The following UBE2D3 variants were observed in gnomAD, a reference collection of about 807,000 sequenced individuals.
UBE2D3 encodes the protein ubiquitin conjugating enzyme E2 D3.
UBE2D3 carries 2 observed loss-of-function variants against 22.8 expected under a neutral mutation model. That is an observed-to-expected ratio of 0.09 (90% confidence interval 0.04 to 0.28). The LOEUF is 0.28. UBE2D3 is among the 10% of genes least tolerant of loss of function. The pLI is 1.00. For missense variants in UBE2D3, 27 were observed against 182.5 expected, an observed-to-expected ratio of 0.15 and a Z score of 4.91; for synonymous variants, 56 against 60.4, an observed-to-expected ratio of 0.93 and a Z score of 0.34.
upstream of UBE2D3, among the ~76,000 whole-genome samples, chr4:102,828,654 G>T (rs1730926042): frequency 6.6e-6 from 1 of 152,196 alleles, no homozygotes; most frequent in Admixed American, 6.5e-5. Flanking sequence ...CTGTGTTTCA[G>T]TTCTTGAGCC....
chr4:102,847,851 GCCC>G (rs1732118143), intron 1 of UBE2D3, among the ~76,000 whole-genome samples: 1 of 151,894 alleles, frequency 6.6e-6, no homozygotes, highest in Admixed American at 6.6e-5. Context: ...TTGCAGTGTT[GCCC>G]AGGCTGGCCT....
At chr4:102,806,828 C>A (rs551990157) in intron 4 of UBE2D3, among the ~76,000 whole-genome samples, 2 of 152,096 alleles carry the variant, frequency 1.3e-5, no homozygotes, top group East Asian at 1.9e-4. Context: ...TAATACAGTA[C>A]CCCACGCCCC....
chr4:102,822,930 C>T (rs965867523), intron 2 of UBE2D3, among the ~76,000 whole-genome samples: 1 of 152,040 alleles, frequency 6.6e-6, no homozygotes, highest in African/African-American at 2.4e-5. Context: ...AGTGAGACTC[C>T]GTCTCCAACA....
rs191320405 is a variant in UBE2D3 at position 102,817,636 on chromosome 4, A to G, written c.25-7781T>C. On this transcript the variant is annotated intron_variant, in intron 2 of 7. Coordinates refer to ENST00000453744, the MANE Select transcript of UBE2D3 (RefSeq NM_181891.3). ...AGGGAAAAAAATTCTCAACTGCACC[A>G]AACTATTACTCAATGCTCCAGAATG... 6.6e-5 allele frequency among the ~76,000 whole-genome samples: 10 copies of G among 152,360 alleles called. No individual in the cohort carries two copies. In the East Asian group the frequency reaches 1.3e-3, roughly 21 times the overall value.
At chr4:102,853,165 C>T (rs1578295248) in intron 1 of UBE2D3, among the ~76,000 whole-genome samples, 2 of 28,574 alleles carry the variant, frequency 7.0e-5, no homozygotes, top group African/African-American at 2.7e-4. Flanking sequence ...TTTTTTGAGA[C>T]GGAGTTTCGC....
chr4:102,853,148 T>C (rs1732454096), intron 1 of UBE2D3, among the ~76,000 whole-genome samples: 1 of 119,916 alleles, frequency 8.3e-6, no homozygotes, highest in South Asian at 2.8e-4. Flanking sequence ...TTTTTTTTTT[T>C]TTTTTTTTTT....
At chr4:102,825,001 T>C (rs1256149132) in intron 2 of UBE2D3, among the ~76,000 whole-genome samples, 2 of 152,244 alleles carry the variant, frequency 1.3e-5, no homozygotes, top group Admixed American at 6.5e-5. Context: ...TAACCCAAAA[T>C]GACGATGTTA....
intron 1 of UBE2D3, among the ~76,000 whole-genome samples, chr4:102,863,826 T>C (rs1733016869): frequency 6.6e-6 from 1 of 151,886 alleles, no homozygotes; most frequent in Non-Finnish European, 1.5e-5. Flanking sequence ...CTTGGAGGGG[T>C]CAAACAAACC....
At chr4:102,826,193 C>G (rs1730454191) in intron 2 of UBE2D3, among the ~76,000 whole-genome samples, 1 of 151,960 alleles carries the variant, frequency 6.6e-6, no homozygotes, top group Non-Finnish European at 1.5e-5. Context: ...CCTTCTTAAG[C>G]AGCAAAAAAA....
At chr4:102,854,371 G>C (rs925694713) in intron 1 of UBE2D3, among the ~76,000 whole-genome samples, 2 of 151,724 alleles carry the variant, frequency 1.3e-5, no homozygotes, top group African/African-American at 4.8e-5. Flanking sequence ...AATTTTTACT[G>C]ATTTTCTGCC....
chr4:102,809,713 GAA>G lies in UBE2D3; in HGVS notation c.89-12_89-11del. On this transcript the variant is annotated splice_polypyrimidine_tract_variant and intron_variant, in intron 3 of 7. Coordinates refer to ENST00000453744, the MANE Select transcript of UBE2D3 (RefSeq NM_181891.3). ...GCTTGCCAATGAAACACTAGAAAAAGAAAAAAAACTCTGGTTATCTAAAAATG... is the reference window on the plus strand; with the variant it reads ...GCTTGCCAATGAAACACTAGAAAAAGAAAAAACTCTGGTTATCTAAAAATG... 1.2e-6 allele frequency: 2 copies of G among 1,610,164 alleles called. No individual in the cohort carries two copies. Among genetic ancestry groups the G allele is most frequent in the Non-Finnish European group, 1.7e-6 (2 of 1,178,894 alleles).
chr4:102,809,576 T>A, intron 4 of UBE2D3, 96 bp downstream of exon 4: 1 of 1,232,858 alleles, frequency 8.1e-7, no homozygotes, highest in Non-Finnish European at 1.1e-6. Context: ...GAATTAACTA[T>A]ATGATAAAAT....
intron 6 of UBE2D3, 113 bp from the exon 7 acceptor site, chr4:102,799,613 C>T (rs763107787): frequency 7.5e-5 from 53 of 706,608 alleles, no homozygotes; most frequent in Non-Finnish European, 1.2e-4. Flanking sequence ...TAGTTTGTAT[C>T]TTTATCTCAA....
chr4:102,856,905 A>G lies in UBE2D3; in HGVS notation c.-129+11810T>C, dbSNP rs116475254. On this transcript the variant is annotated intron_variant, in intron 1 of 7. Transcript: ENST00000338145. ...GGTTACCCAGGGGTATAAGGTAGGT[A>G]GGGGTAAATAGGTGGAGCATAGGGC... 9.3e-3 allele frequency among the ~76,000 whole-genome samples: 1,411 copies of G among 152,300 alleles called. 20 individuals are homozygous for G. Among genetic ancestry groups the G allele is most frequent in the African/African-American group, 0.032 (1,342 of 41,568 alleles).
At position 102,827,551 on chromosome 4, in the gene UBE2D3, T is replaced by G. The variant is rs1730780363; in HGVS notation, c.-253A>C. On this transcript the variant is annotated 5_prime_UTR_variant, in exon 1 of 8. Transcript: ENST00000453744. ...CACAAGATGTCCGCTCTGACGGAAC[T>G]ACTGCCAGCTGCCACGCTCCGCCCC... The G allele has an allele frequency of 4.1e-6, 4 of 986,586 alleles. No individual in the cohort carries two copies. Among genetic ancestry groups the G allele is most frequent in the Non-Finnish European group, 4.8e-6 (4 of 830,586 alleles). 61.1% of individuals were successfully genotyped at this position (986,586 alleles called of 1,614,324 possible).
intron 4 of UBE2D3, among the ~76,000 whole-genome samples, chr4:102,804,115 C>G (rs990673460): frequency 6.7e-6 from 1 of 150,230 alleles, no homozygotes; most frequent in African/African-American, 2.4e-5. Flanking sequence ...AGTCTTCCCC[C>G]TTTTTTTTTG....
intron 2 of UBE2D3, chr4:102,825,913 C>T (rs1730390824): frequency 5.0e-6 from 2 of 396,318 alleles, no homozygotes; most frequent in Admixed American, 6.0e-5. Context: ...CCCAAACCCA[C>T]TTATTCGGTG....
At chr4:102,827,558 A>G, upstream of UBE2D3, 2 of 986,686 alleles carry the variant, frequency 2.0e-6, no homozygotes, top group Non-Finnish European at 2.4e-6. Flanking sequence ...AACTACTGCC[A>G]GCTGCCACGC....
At chr4:102,826,344 T>C (rs1049613356) in intron 2 of UBE2D3, 141 bp downstream of exon 2, 4 of 1,081,704 alleles carry the variant, frequency 3.7e-6, no homozygotes, top group African/African-American at 3.2e-5. Context: ...AAGAAGTATA[T>C]CTGCGTTCTC....
Sources: gnomAD v4.1 joint callset for allele counts (sites outside exome capture counted in the v4.1 genomes callset) on GRCh38, gnomAD v4.1.1 for gene constraint, MANE v1.5 for transcripts, NCBI Gene and HGNC (gene_info 2026-07-23, HGNC 2026-07-21) for gene names.